The following SPPL3 variants were observed in gnomAD, a reference collection of about 807,000 sequenced individuals.
SPPL3 encodes the protein signal peptide peptidase-like 3.
In SPPL3, 5 loss-of-function variants were observed where a neutral mutation model predicts 42.4. That is an observed-to-expected ratio of 0.12 (90% CI 0.06 to 0.25). SPPL3 has a LOEUF of 0.25. SPPL3 is among the 10% of genes least tolerant of loss of function. The pLI is 1.00. For missense variants in SPPL3, 235 were observed against 489.0 expected, an observed-to-expected ratio of 0.48 and a Z score of 4.90; for synonymous variants, 195 against 181.8, an observed-to-expected ratio of 1.07 and a Z score of -0.58.
At chr12:120,866,625 A>G (rs1280564979) in intron 1 of SPPL3, among the ~76,000 whole-genome samples, 9 of 152,350 alleles carry the variant, frequency 5.9e-5, no homozygotes, top group Admixed American at 5.9e-4. Flanking sequence ...CTATTCTAAG[A>G]CACAATGGAT....
chr12:120,845,219 G>A, intron 1 of SPPL3: 3 of 436,904 alleles, frequency 6.9e-6, no homozygotes, highest in South Asian at 1.8e-5. Context: ...CAAAGGGAGT[G>A]CAGTCCCAGC....
chr12:120,782,985 A>G (rs1869595014), intron 5 of SPPL3, among the ~76,000 whole-genome samples: 2 of 152,226 alleles, frequency 1.3e-5, no homozygotes, highest in Admixed American at 1.3e-4. Context: ...AATTATCAAC[A>G]TGGGCATTTA....
intron 1 of SPPL3, among the ~76,000 whole-genome samples, chr12:120,875,351 T>C (rs1016008410): frequency 1.3e-5 from 2 of 152,198 alleles, no homozygotes; most frequent in Non-Finnish European, 2.9e-5. Context: ...TAGATGGTGA[T>C]GAAGATGCAT....
chr12:120,828,246 A>G lies in SPPL3; in HGVS notation c.24-17360T>C, dbSNP rs140483593. Reference sequence around the variant, plus strand: ...ACCCATGGGTCAAATAAGAGATCACATGGAAAATTAGAAAATATCTTGAAC... The same window carrying G: ...ACCCATGGGTCAAATAAGAGATCACGTGGAAAATTAGAAAATATCTTGAAC... On this transcript the variant is annotated intron_variant, in intron 1 of 10. Coordinates refer to ENST00000353487, the MANE Select transcript of SPPL3 (RefSeq NM_139015.5). Among the ~76,000 whole-genome samples the G allele has an allele frequency of 2.4e-3, 360 of 152,374 alleles. 2 individuals carry two copies. Among genetic ancestry groups the G allele is most frequent in the African/African-American group, 7.5e-3 (314 of 41,598 alleles).
chr12:120,851,893 C>T (rs11065294), intron 1 of SPPL3, among the ~76,000 whole-genome samples: 5,392 of 152,222 alleles, frequency 0.035, 113 homozygotes, highest in South Asian at 0.066. Flanking sequence ...CGTGAGCCAC[C>T]GTACCTGGCC....
chr12:120,903,726 A>ACCCCC, intron 1 of SPPL3, 119 bp downstream of exon 1: 2 of 509,672 alleles, frequency 3.9e-6, no homozygotes, highest in Non-Finnish European at 3.0e-6. Context: ...GTGCACCCCA[A>ACCCCC]CCCGCGCCCC....
At chr12:120,785,657 T>C (rs1000762036) in intron 3 of SPPL3, among the ~76,000 whole-genome samples, 4 of 151,948 alleles carry the variant, frequency 2.6e-5, no homozygotes, top group South Asian at 4.2e-4. Flanking sequence ...AATCTTCATA[T>C]GATCTATAAT....
intron 1 of SPPL3, among the ~76,000 whole-genome samples, chr12:120,837,613 G>A (rs901989690): frequency 6.6e-6 from 1 of 152,004 alleles, no homozygotes; most frequent in African/African-American, 2.4e-5. Flanking sequence ...ATTATCAGAA[G>A]GGAATGCGAT....
intron 1 of SPPL3, among the ~76,000 whole-genome samples, chr12:120,854,197 T>A (rs1200847590): frequency 6.6e-6 from 1 of 152,162 alleles, no homozygotes; most frequent in Non-Finnish European, 1.5e-5. Context: ...GGCAGCCTCC[T>A]GTGAGGTGGG....
In SPPL3 at chr12:120,830,570, AG is replaced by A. The variant is rs1233714196; in HGVS notation, c.24-19685del. On this transcript the variant is annotated intron_variant, in intron 1 of 10. Coordinates refer to ENST00000353487, the MANE Select transcript of SPPL3 (RefSeq NM_139015.5). ...GGGAGGGGAGGGGGAGGGGTGGGGG[AG>A]GGGGGGAAGGAGAGAGAGAGAGAGA... Among the ~76,000 whole-genome samples the A allele has an allele frequency of 2.7e-3, 53 of 19,978 alleles. 5 individuals are homozygous for A. Among genetic ancestry groups the A allele is most frequent in the African/African-American group, 0.012 (49 of 4,144 alleles). The allele number at this position is 19,978 out of a possible 152,430, so 13.1% of individuals were successfully genotyped here. A position where few individuals can be genotyped will look rare whatever the true frequency, so the allele number is the denominator to read the frequency against.
chr12:120,903,639 T>C, intron 1 of SPPL3: 1 of 479,548 alleles, frequency 2.1e-6, no homozygotes, highest in East Asian at 3.6e-5. Context: ...CCATTCCCCT[T>C]CTCGGACGCC....
intron 1 of SPPL3, among the ~76,000 whole-genome samples, chr12:120,822,759 T>C (rs1871110937): frequency 6.6e-6 from 1 of 152,114 alleles, no homozygotes; most frequent in African/African-American, 2.4e-5. Flanking sequence ...TACCTGCATA[T>C]ACCACGGTCA....
Position 120,784,610 on chromosome 12 carries a change from GAC to G in SPPL3, c.191-19_191-18del. ...TTTGGATGCCTGAAAGAGAAAAACA[GAC>G]AGATTAATAACTTATTATGCACCAG... is the stretch of plus-strand genomic sequence containing the variant. On this transcript the variant is annotated intron_variant, in intron 3 of 10. Transcript: ENST00000353487. 1.9e-6 allele frequency: 3 copies of G among 1,589,116 alleles called. No homozygotes were observed. Among genetic ancestry groups the G allele is most frequent in the Non-Finnish European group, 2.6e-6 (3 of 1,170,094 alleles).
intron 1 of SPPL3, chr12:120,903,642 C>A: frequency 2.1e-6 from 1 of 483,888 alleles, no homozygotes; most frequent in South Asian, 2.9e-5. Flanking sequence ...TTCCCCTTCT[C>A]GGACGCCAGG....
At chr12:120,772,446 C>A (rs1221865488) in intron 6 of SPPL3, among the ~76,000 whole-genome samples, 1 of 149,870 alleles carries the variant, frequency 6.7e-6, no homozygotes, top group Non-Finnish European at 1.5e-5. Flanking sequence ...TGACCACGTG[C>A]TCCTGGGAAA....
rs1434929207 is a variant in SPPL3 at position 120,763,454 on chromosome 12, G to T, written c.*1545C>A. On this transcript the variant is annotated 3_prime_UTR_variant, in exon 11 of 11. Transcript: ENST00000353487. ...GGCAGCCACTGGGGCGGGGACCCTTGGGGAGAGGCTGGAACTCAGGGCCCT... is the reference window on the plus strand; with the variant it reads ...GGCAGCCACTGGGGCGGGGACCCTTTGGGAGAGGCTGGAACTCAGGGCCCT... The T allele has an allele frequency of 6.5e-6, 1 of 152,790 alleles. No individual in the cohort carries two copies. The highest frequency in any genetic ancestry group is 1.5e-5 in the Non-Finnish European group (1 of 68,208). 9.5% of individuals were successfully genotyped at this position (152,790 alleles called of 1,614,324 possible).
intron 1 of SPPL3, among the ~76,000 whole-genome samples, chr12:120,836,515 C>T (rs1177026520): frequency 1.3e-5 from 2 of 151,880 alleles, no homozygotes; most frequent in African/African-American, 2.4e-5. Flanking sequence ...TGGTAGAGTC[C>T]GGCAGACACC....
intron 1 of SPPL3, among the ~76,000 whole-genome samples, chr12:120,883,563 T>A (rs1393344846): frequency 6.6e-6 from 1 of 152,080 alleles, no homozygotes; most frequent in African/African-American, 2.4e-5. Flanking sequence ...TATACAAGAA[T>A]GTTCACAAGA....
intron 1 of SPPL3, among the ~76,000 whole-genome samples, chr12:120,895,482 T>C (rs1380670303): frequency 6.6e-6 from 1 of 152,096 alleles, no homozygotes; most frequent in Admixed American, 6.6e-5. Flanking sequence ...TTGTGGAATG[T>C]AGCCATGGAC....
Sources: gnomAD v4.1 joint callset for allele counts (sites outside exome capture counted in the v4.1 genomes callset) on GRCh38, gnomAD v4.1.1 for gene constraint, MANE v1.5 for transcripts, NCBI Gene and HGNC (gene_info 2026-07-23, HGNC 2026-07-21) for gene names.